Variants in CSNK2A2IP observed in about 807,000 individuals in gnomAD.
CSNK2A2IP encodes casein kinase 2 subunit alpha' interacting protein, also known as casein kinase II subunit alpha'-interacting protein.
chr3:88,432,313 G>A, the CSNK2A2IP span, among the ~76,000 whole-genome samples: 2 of 151,678 alleles, frequency 1.3e-5, no homozygotes, highest in Non-Finnish European at 2.9e-5. Flanking sequence ...TATATCAATT[G>A]ATATCTATTT....
At chr3:88,412,828 T>C in the CSNK2A2IP span, among the ~76,000 whole-genome samples, 4 of 152,036 alleles carry the variant, frequency 2.6e-5, no homozygotes, top group African/African-American at 9.7e-5. Flanking sequence ...GGTATTTCTG[T>C]ATCTAAATAT....
chr3:88,414,540 C>G, the CSNK2A2IP span, among the ~76,000 whole-genome samples: 2 of 151,772 alleles, frequency 1.3e-5, no homozygotes, highest in African/African-American at 2.4e-5. Context: ...CTTTGCCTCC[C>G]AAAGTGCTAG....
chr3:88,406,278 A>G, the CSNK2A2IP span, among the ~76,000 whole-genome samples: 1 of 152,222 alleles, frequency 6.6e-6, no homozygotes, highest in African/African-American at 2.4e-5. Flanking sequence ...AAAATAAGAA[A>G]GTTAAGGGCA....
the CSNK2A2IP span, among the ~76,000 whole-genome samples, chr3:88,347,021 C>A: frequency 3.3e-5 from 5 of 151,916 alleles, no homozygotes; most frequent in African/African-American, 1.2e-4. Flanking sequence ...TTGATTCCAA[C>A]CCGCATTGAG....
the CSNK2A2IP span, among the ~76,000 whole-genome samples, chr3:88,400,589 G>A: frequency 1.5e-3 from 231 of 152,238 alleles, 3 homozygotes; most frequent in South Asian, 0.013. Flanking sequence ...TTCTAGTGTG[G>A]TAAGAGACAG....
the CSNK2A2IP span, among the ~76,000 whole-genome samples, chr3:88,377,132 T>C: frequency 6.6e-6 from 1 of 151,798 alleles, no homozygotes; most frequent in Non-Finnish European, 1.5e-5. Context: ...AATCTGTAGT[T>C]TGACTTTCTG....
the CSNK2A2IP span, among the ~76,000 whole-genome samples, chr3:88,406,451 T>C: frequency 6.6e-6 from 1 of 152,190 alleles, no homozygotes; most frequent in Non-Finnish European, 1.5e-5. Context: ...TTCATTTCGT[T>C]TTTCTCTTAT....
At chr3:88,421,207 G>A in the CSNK2A2IP span, among the ~76,000 whole-genome samples, 1 of 151,932 alleles carries the variant, frequency 6.6e-6, no homozygotes, top group Non-Finnish European at 1.5e-5. Context: ...TTGAGAGAAG[G>A]CACTTTTATG....
At chr3:88,364,618 T>C in the CSNK2A2IP span, among the ~76,000 whole-genome samples, 4 of 152,120 alleles carry the variant, frequency 2.6e-5, no homozygotes, top group African/African-American at 9.6e-5. Context: ...TATTTAGAGA[T>C]ATTGTTGATT....
the CSNK2A2IP span, among the ~76,000 whole-genome samples, chr3:88,380,186 G>C: frequency 6.6e-6 from 1 of 151,690 alleles, no homozygotes; most frequent in South Asian, 2.1e-4. Context: ...AAATTATAAG[G>C]CTAAAAAACT....
the CSNK2A2IP span, among the ~76,000 whole-genome samples, chr3:88,439,447 G>A: frequency 6.6e-6 from 1 of 151,976 alleles, no homozygotes; most frequent in East Asian, 1.9e-4. Context: ...TACTTTTAAA[G>A]ATCATGGAAG....
the CSNK2A2IP span, among the ~76,000 whole-genome samples, chr3:88,347,405 T>A: frequency 0.017 from 2,520 of 152,120 alleles, 87 homozygotes; most frequent in African/African-American, 0.058. Flanking sequence ...CAAACTTTAC[T>A]GTTTGCCTTA....
At chr3:88,379,930 G>A in the CSNK2A2IP span, among the ~76,000 whole-genome samples, 7 of 152,052 alleles carry the variant, frequency 4.6e-5, no homozygotes, top group East Asian at 1.9e-4. Flanking sequence ...AGTGATTCTC[G>A]TCATCTAATT....
At chr3:88,382,013 A>G in the CSNK2A2IP span, among the ~76,000 whole-genome samples, 2 of 152,336 alleles carry the variant, frequency 1.3e-5, no homozygotes, top group East Asian at 3.9e-4. Flanking sequence ...CATTCCAAGG[A>G]AAGTGACCAC....
the CSNK2A2IP span, among the ~76,000 whole-genome samples, chr3:88,382,407 G>A: frequency 2.0e-5 from 3 of 152,114 alleles, no homozygotes; most frequent in African/African-American, 7.2e-5. Context: ...CCAATAGATG[G>A]GGCTTAATTA....
At chr3:88,401,884 T>C in the CSNK2A2IP span, among the ~76,000 whole-genome samples, 1 of 152,188 alleles carries the variant, frequency 6.6e-6, no homozygotes, top group African/African-American at 2.4e-5. Context: ...GAAGCTAATA[T>C]TTATGAAAGT....
chr3:88,445,947 TC>T, the CSNK2A2IP span, among the ~76,000 whole-genome samples: 95 of 105,718 alleles, frequency 9.0e-4, 1 homozygote, highest in Non-Finnish European at 7.7e-4. Context: ...TCTTTCTTTC[TC>T]TCTCTCTCTC....
chr3:88,348,353 C>G, the CSNK2A2IP span, among the ~76,000 whole-genome samples: 3 of 151,994 alleles, frequency 2.0e-5, no homozygotes, highest in African/African-American at 7.2e-5. Context: ...AGACACTCAT[C>G]TTTATGTAAT....
the CSNK2A2IP span, chr3:88,466,973 A>G: frequency 8.1e-7 from 1 of 1,230,956 alleles, no homozygotes; most frequent in Non-Finnish European, 1.0e-6. Flanking sequence ...CCTATGAAAG[A>G]AAACCAGCCT....
Sources: allele counts gnomAD v4.1 joint callset (sites outside exome capture counted in the v4.1 genomes callset), GRCh38; gene constraint gnomAD v4.1.1; transcripts MANE v1.5; gene names NCBI Gene and HGNC (gene_info 2026-07-23, HGNC 2026-07-21).